Variants in CLYBL observed in about 807,000 individuals in gnomAD.
The protein encoded by CLYBL is citramalyl-CoA lyase, mitochondrial.
A neutral mutation model predicts 38.9 loss-of-function variants in CLYBL; 31 were observed. The ratio of observed to expected loss-of-function variants is 0.80; its 90% CI spans 0.60 to 1.08. The LOEUF (loss-of-function observed/expected upper bound fraction) is 1.08, where lower values mean the gene tolerates loss of function less well. Ranked by LOEUF, CLYBL falls within the 50% of genes least tolerant of loss-of-function variation. CLYBL has a pLI of 0.00. For synonymous variants in CLYBL, 171 were observed against 158.6 expected (o/e 1.08, Z -0.59); for missense variants, 434 against 411.6 (o/e 1.05, Z -0.47).
intron 2 of CLYBL, among the ~76,000 whole-genome samples, chr13:99,777,828 T>C (rs1470664718): frequency 6.6e-6 from 1 of 152,256 alleles, no homozygotes; most frequent in Non-Finnish European, 1.5e-5. Flanking sequence ...GTTATTTACA[T>C]ACCTTATCCC....
intron 7 of CLYBL, among the ~76,000 whole-genome samples, chr13:99,887,094 C>G (rs1452342014): frequency 6.6e-6 from 1 of 152,202 alleles, no homozygotes; most frequent in East Asian, 1.9e-4. Flanking sequence ...CCAAGCCAGC[C>G]TAACCATTTC....
chr13:99,840,750 CAAAA>C (rs59274056), intron 2 of CLYBL, among the ~76,000 whole-genome samples: 1 of 16,788 alleles, frequency 6.0e-5, no homozygotes, highest in Non-Finnish European at 1.0e-4. Flanking sequence ...ACCCTTGTCT[CAAAA>C]AAAAAAAAAA....
intron 2 of CLYBL, among the ~76,000 whole-genome samples, chr13:99,841,663 G>C (rs1222649325): frequency 2.0e-5 from 3 of 152,166 alleles, no homozygotes; most frequent in Non-Finnish European, 4.4e-5. Context: ...GGCTCCCAAA[G>C]TGCCGGCATC....
intron 2 of CLYBL, among the ~76,000 whole-genome samples, chr13:99,829,946 G>C (rs2050772838): frequency 1.3e-5 from 2 of 152,166 alleles, no homozygotes; most frequent in Admixed American, 1.3e-4. Flanking sequence ...GTGGCACCAA[G>C]GGGGCCAGCA....
chr13:99,852,578 A>G (rs2051358480), intron 2 of CLYBL, among the ~76,000 whole-genome samples: 1 of 152,198 alleles, frequency 6.6e-6, no homozygotes, highest in African/African-American at 2.4e-5. Context: ...ACAAATAACA[A>G]CTAAAGCGAT....
chr13:99,715,450 T>G (rs2048298329), intron 1 of CLYBL, among the ~76,000 whole-genome samples: 1 of 151,048 alleles, frequency 6.6e-6, no homozygotes, highest in Non-Finnish European at 1.5e-5. Context: ...TCACTCGGAC[T>G]GGAGTGCAGT....
At chr13:99,826,202 A>C (rs748947949) in intron 2 of CLYBL, among the ~76,000 whole-genome samples, 48 of 152,222 alleles carry the variant, frequency 3.2e-4, no homozygotes, top group Non-Finnish European at 1.3e-4. Context: ...GGTCAACACT[A>C]CAGTCAGTTG....
At chr13:99,708,544 G>A (rs111995376) in intron 1 of CLYBL, among the ~76,000 whole-genome samples, 90 of 152,282 alleles carry the variant, frequency 5.9e-4, no homozygotes, top group South Asian at 2.1e-3. Flanking sequence ...CTACCAGCTG[G>A]TTGACCTTGG....
intron 2 of CLYBL, among the ~76,000 whole-genome samples, chr13:99,848,904 C>G (rs2051268815): frequency 6.6e-6 from 1 of 152,126 alleles, no homozygotes; most frequent in South Asian, 2.1e-4. Context: ...TTTGGGAGAC[C>G]GAGGCAGGCA....
Position 99,871,069 on chromosome 13 carries a change from G to A in CLYBL, c.927+7G>A, listed in dbSNP as rs551629673. ...ACATCAACAATTAGGAAAGGTAAAT[G>A]TTTTGTTAATGCCTTGGGTGAGAGC... On this transcript the variant is annotated splice_region_variant and intron_variant, in intron 7 of 8. Transcript: ENST00000339105. The A allele has an allele frequency of 2.2e-5, 35 of 1,613,770 alleles. 1 individual carries two copies. In the South Asian group the frequency reaches 3.5e-4, roughly 16 times the overall value.
chr13:99,636,426 C>G (rs929702831), intron 1 of CLYBL, among the ~76,000 whole-genome samples: 8 of 152,204 alleles, frequency 5.3e-5, no homozygotes, highest in Admixed American at 5.2e-4. Context: ...GTGAGCCTGT[C>G]TTCAGCTGAT....
intron 2 of CLYBL, among the ~76,000 whole-genome samples, chr13:99,840,906 G>A (rs9513675): frequency 0.62 from 93,483 of 151,728 alleles, 29,349 homozygotes; most frequent in African/African-American, 0.73. Context: ...CAGCTTACAC[G>A]CAGTCCAGAT....
At chr13:99,793,066 A>G (rs1222948130) in intron 2 of CLYBL, among the ~76,000 whole-genome samples, 1 of 146,422 alleles carries the variant, frequency 6.8e-6, no homozygotes, top group Non-Finnish European at 1.5e-5. Context: ...ACACACACAC[A>G]CAAAGTACGT....
intron 1 of CLYBL, among the ~76,000 whole-genome samples, chr13:99,752,424 C>T (rs2048974273): frequency 6.6e-6 from 1 of 152,152 alleles, no homozygotes; most frequent in African/African-American, 2.4e-5. Context: ...GGCACATGGG[C>T]TGTGGAGTTG....
chr13:99,871,322 A>G (rs1158502919), intron 7 of CLYBL, among the ~76,000 whole-genome samples: 1 of 152,210 alleles, frequency 6.6e-6, no homozygotes, highest in Non-Finnish European at 1.5e-5. Flanking sequence ...CTTAGAGAAA[A>G]TAGAAGTCTG....
chr13:99,741,561 G>C (rs1319654328), intron 1 of CLYBL, among the ~76,000 whole-genome samples: 1 of 151,904 alleles, frequency 6.6e-6, no homozygotes, highest in Non-Finnish European at 1.5e-5. Context: ...TTTGGGGGGT[G>C]GGGGTCGGGG....
intron 1 of CLYBL, among the ~76,000 whole-genome samples, chr13:99,754,247 A>C (rs1242212489): frequency 6.6e-6 from 1 of 151,428 alleles, no homozygotes; most frequent in Non-Finnish European, 1.5e-5. Flanking sequence ...CCATTTCTAC[A>C]AAAAGTACAA....
chr13:99,775,364 G>A lies in CLYBL; in HGVS notation c.249+2354G>A, dbSNP rs995686381. On this transcript the variant is annotated intron_variant, in intron 2 of 8. Transcript: ENST00000339105. ...TAGGGGAAACCTGAGGAGGAGAAGG[G>A]AAAGAAGAGTTAATGATTGCCCACC... is the stretch of plus-strand genomic sequence containing the variant. Among the ~76,000 whole-genome samples the A allele has an allele frequency of 2.6e-5, 4 of 152,170 alleles. No homozygotes were observed. In the East Asian group the frequency reaches 7.7e-4, roughly 29 times the overall value.
intron 1 of CLYBL, among the ~76,000 whole-genome samples, chr13:99,628,804 G>A (rs184321610): frequency 6.6e-6 from 1 of 152,336 alleles, no homozygotes; most frequent in African/African-American, 2.4e-5. Context: ...ATAAAAGGCA[G>A]GTACAATGGC....
Sources: gnomAD v4.1 joint callset for allele counts (sites outside exome capture counted in the v4.1 genomes callset) on GRCh38, gnomAD v4.1.1 for gene constraint, MANE v1.5 for transcripts, NCBI Gene and HGNC (gene_info 2026-07-23, HGNC 2026-07-21) for gene names.